Variants in FAM227B observed in about 807,000 individuals in gnomAD.
FAM227B encodes the protein protein FAM227B.
In FAM227B, 88 loss-of-function variants were observed where a neutral mutation model predicts 73.8. The observed-to-expected ratio is 1.19, with a 90% CI of 1.00 to 1.42. FAM227B has a LOEUF of 1.42. Ranked by LOEUF, FAM227B falls within the 40% of genes most tolerant of loss-of-function variation. FAM227B has a pLI of 0.00. For synonymous variants in FAM227B, 210 were observed against 190.5 expected (o/e 1.10, Z -0.84); for missense variants, 632 against 590.9 (o/e 1.07, Z -0.72).
intron 10 of FAM227B, among the ~76,000 whole-genome samples, chr15:49,511,661 T>C (rs1180547794): frequency 6.6e-6 from 1 of 152,090 alleles, no homozygotes; most frequent in African/African-American, 2.4e-5. Context: ...GCATATGTCC[T>C]TGTGTTCTTA....
At chr15:49,541,148 T>C (rs1196849957) in intron 10 of FAM227B, among the ~76,000 whole-genome samples, 1 of 152,126 alleles carries the variant, frequency 6.6e-6, no homozygotes, top group Non-Finnish European at 1.5e-5. Flanking sequence ...ACTATATTTC[T>C]ATACCTTAGT....
At chr15:49,358,583 A>G (rs1596492837) in intron 13 of FAM227B, among the ~76,000 whole-genome samples, 2 of 149,706 alleles carry the variant, frequency 1.3e-5, no homozygotes, top group East Asian at 3.9e-4. Flanking sequence ...CAAGGAAATA[A>G]AAGAGGATAC....
chr15:49,479,239 C>T (rs1344033090), intron 11 of FAM227B, among the ~76,000 whole-genome samples: 1 of 135,718 alleles, frequency 7.4e-6, no homozygotes, highest in Non-Finnish European at 1.6e-5. Flanking sequence ...ATTGCATGAG[C>T]TGATTCTCTC....
At chr15:49,532,022 A>C (rs1433645205) in intron 10 of FAM227B, among the ~76,000 whole-genome samples, 3 of 149,754 alleles carry the variant, frequency 2.0e-5, no homozygotes, top group African/African-American at 7.3e-5. Flanking sequence ...TATATAATAT[A>C]CGTAATATTA....
chr15:49,327,652 T>C lies in FAM227B; in HGVS notation c.*916A>G, dbSNP rs373522040. The C allele has an allele frequency of 4.7e-6, 1 of 214,546 alleles. No homozygotes were observed. The highest frequency in any genetic ancestry group is 1.0e-4 in the East Asian group (1 of 9,976). 13.3% of individuals were successfully genotyped at this position (214,546 alleles called of 1,614,324 possible). ...TAAGCTTGCTATACAACTCTTCAAG[T>C]GGCTACTTTATGGAATCAATATTAC... On this transcript the variant is annotated 3_prime_UTR_variant, in exon 16 of 16. Transcript: ENST00000299338.
chr15:49,343,000 G>C (rs2040962427), intron 13 of FAM227B, among the ~76,000 whole-genome samples: 1 of 152,092 alleles, frequency 6.6e-6, no homozygotes, highest in Non-Finnish European at 1.5e-5. Flanking sequence ...ATGCCTTGGT[G>C]ATGTTCATTT....
chr15:49,606,174 G>A (rs2077508949), intron 3 of FAM227B: 1 of 152,116 alleles, frequency 6.6e-6, no homozygotes, highest in African/African-American at 2.4e-5. Flanking sequence ...CTTAGCTCTT[G>A]TAAAGGTATT....
intron 5 of FAM227B, among the ~76,000 whole-genome samples, chr15:49,583,120 C>G (rs181672487): frequency 6.6e-6 from 1 of 150,894 alleles, no homozygotes; most frequent in African/African-American, 2.4e-5. Flanking sequence ...CAAAAATAAC[C>G]AAAATCAGAG....
chr15:49,404,191 A>C (rs1423183688), intron 11 of FAM227B, among the ~76,000 whole-genome samples: 4 of 152,130 alleles, frequency 2.6e-5, no homozygotes, highest in Non-Finnish European at 5.9e-5. Flanking sequence ...TATATGATCA[A>C]TTTTAGAGTA....
chr15:49,352,066 CAT>C (rs2042332883), intron 13 of FAM227B, among the ~76,000 whole-genome samples: 1 of 152,124 alleles, frequency 6.6e-6, no homozygotes, highest in Admixed American at 6.6e-5. Flanking sequence ...AAGATTTCCT[CAT>C]TTATGTGTCT....
chr15:49,444,874 C>T (rs891049519), intron 11 of FAM227B, among the ~76,000 whole-genome samples: 1 of 151,646 alleles, frequency 6.6e-6, no homozygotes, highest in East Asian at 1.9e-4. Flanking sequence ...TAAAGTTTAG[C>T]CTCTCTTTTT....
At chr15:49,340,305 A>G (rs955501443) in intron 13 of FAM227B, among the ~76,000 whole-genome samples, 7 of 152,076 alleles carry the variant, frequency 4.6e-5, no homozygotes, top group Non-Finnish European at 2.9e-5. Context: ...AAAGCGCAGT[A>G]TCTGGGCTGG....
At chr15:49,358,276 A>G (rs1327754860) in intron 13 of FAM227B, among the ~76,000 whole-genome samples, 15 of 139,286 alleles carry the variant, frequency 1.1e-4, no homozygotes, top group African/African-American at 4.2e-4. Context: ...GTATTCAATT[A>G]GGAAAAGAGG....
chr15:49,397,307 A>G (rs946428512), intron 11 of FAM227B, among the ~76,000 whole-genome samples: 4 of 152,108 alleles, frequency 2.6e-5, no homozygotes, highest in Non-Finnish European at 4.4e-5. Flanking sequence ...AAAAAGAATA[A>G]AAGGAAATGA....
chr15:49,600,034 CTGT>C (rs1401335580), intron 3 of FAM227B, among the ~76,000 whole-genome samples: 1 of 152,004 alleles, frequency 6.6e-6, no homozygotes, highest in Non-Finnish European at 1.5e-5. Flanking sequence ...TAATGTATTG[CTGT>C]TATTTCTCCC....
At chr15:49,549,211 G>T (rs372263196) in intron 9 of FAM227B, among the ~76,000 whole-genome samples, 13 of 151,898 alleles carry the variant, frequency 8.6e-5, no homozygotes, top group African/African-American at 3.1e-4. Flanking sequence ...TTCCATAGTC[G>T]TTTGTTTAAA....
At chr15:49,517,899 T>C (rs1033943199) in intron 10 of FAM227B, among the ~76,000 whole-genome samples, 4 of 152,220 alleles carry the variant, frequency 2.6e-5, no homozygotes, top group Non-Finnish European at 5.9e-5. Context: ...TACTCACTTG[T>C]ATCTGGCTTT....
chr15:49,551,278 G>T (rs933147517), intron 9 of FAM227B, among the ~76,000 whole-genome samples: 1 of 152,080 alleles, frequency 6.6e-6, no homozygotes, highest in Non-Finnish European at 1.5e-5. Flanking sequence ...AGAGGGAGAG[G>T]GAGAGGGAGA....
intron 11 of FAM227B, chr15:49,486,805 T>A (rs1466874057): frequency 6.6e-6 from 1 of 151,950 alleles, no homozygotes; most frequent in Non-Finnish European, 1.5e-5. Flanking sequence ...CTCCTATTTT[T>A]AAATTTATTA....
Sources: gnomAD v4.1 joint callset for allele counts (sites outside exome capture counted in the v4.1 genomes callset) on GRCh38, gnomAD v4.1.1 for gene constraint, MANE v1.5 for transcripts, NCBI Gene and HGNC (gene_info 2026-07-23, HGNC 2026-07-21) for gene names.